Variants in DDX52 observed in about 807,000 individuals in gnomAD.
The protein encoded by DDX52 is probable ATP-dependent RNA helicase DDX52.
DDX52 carries 59 observed loss-of-function variants against 76.1 expected under a neutral mutation model. The observed-to-expected ratio is 0.78, with a 90% CI of 0.63 to 0.96. The LOEUF (loss-of-function observed/expected upper bound fraction) is 0.96. Among genes scored for constraint, DDX52 ranks in the 40% least tolerant of loss-of-function variants. The probability of loss-of-function intolerance (pLI) is 0.00; values close to 1 mark genes in which losing one functional copy is unlikely to be tolerated. For synonymous variants in DDX52, 231 were observed against 244.1 expected (o/e 0.95, Z 0.50); for missense variants, 707 against 703.9 (o/e 1.00, Z -0.05).
At chr17:37,628,473 T>G in intron 6 of DDX52, 88 bp downstream of exon 6, 1 of 1,142,228 alleles carries the variant, frequency 8.8e-7, no homozygotes, top group Non-Finnish European at 1.3e-6. Flanking sequence ...ATGACTATAC[T>G]TTAACAACAC....
chr17:37,620,783 G>A lies in DDX52; in HGVS notation c.1577+90C>T, dbSNP rs1450583629. ...CATTATCAGTAGAATTTGGGACATA[G>A]CCATTTTGTAATTATCTCTTAATTG... On this transcript the variant is annotated intron_variant, in intron 12 of 14. Coordinates refer to ENST00000617633, the MANE Select transcript of DDX52 (RefSeq NM_007010.5). 7 of 1,269,346 alleles carry A rather than the reference G, an allele frequency of 5.5e-6. No homozygotes were observed. The Middle Eastern group carries it at 7.6e-4, about 138-fold the overall frequency. The allele number at this position is 1,269,346 out of a possible 1,614,324, so 78.6% of individuals were successfully genotyped here. A position where few individuals can be genotyped will look rare whatever the true frequency, so the allele number is the denominator to read the frequency against.
intron 14 of DDX52, among the ~76,000 whole-genome samples, chr17:37,615,398 G>A (rs1389901294): frequency 6.6e-6 from 1 of 152,148 alleles, no homozygotes; most frequent in African/African-American, 2.4e-5. Context: ...TCAGAAGAAG[G>A]CAGGTGCAGT....
In DDX52 at chr17:37,619,798, T is replaced by A; in HGVS notation, c.1619A>T (p.Glu540Val). ...TAGTTTCTGAAAACCTTTTATGTATTCTGGTACAGGACACCCAGCCTGCTG... is the reference window on the plus strand; with the variant it reads ...TAGTTTCTGAAAACCTTTTATGTATACTGGTACAGGACACCCAGCCTGCTG... ...VIQQAGCPVPEYIKGFQKLLS... is the reference protein window; with the variant it reads ...VIQQAGCPVPVYIKGFQKLLS... The change falls in exon 13 of 15, where the codon GAA becomes GTA. Residue 540 changes from glutamate (E) to valine (V), a missense_variant. Physicochemically the swap from Glu to Val is moderately radical, Grantham distance 121. Coordinates refer to ENST00000617633, the MANE Select transcript of DDX52 (RefSeq NM_007010.5). 1.9e-6 allele frequency: 3 copies of A among 1,614,032 alleles called. No homozygotes were observed. Among genetic ancestry groups the A allele is most frequent in the Non-Finnish European group, 2.5e-6 (3 of 1,179,992 alleles).
intron 2 of DDX52, 68 bp from the exon 3 acceptor site, chr17:37,633,486 CA>C (rs540246549): frequency 6.3e-4 from 782 of 1,233,132 alleles, no homozygotes; most frequent in East Asian, 1.5e-3. Flanking sequence ...CCCGTCTCTT[CA>C]AAAAAAAATT....
chr17:37,641,102 C>T, intron 2 of DDX52, among the ~76,000 whole-genome samples: 1 of 152,098 alleles, frequency 6.6e-6, no homozygotes, highest in African/African-American at 2.4e-5. Flanking sequence ...CAAAAATATG[C>T]TTGACCAGCC....
chr17:37,626,224 A>G (rs2030366003), intron 7 of DDX52, 126 bp from the exon 8 acceptor site: 1 of 946,926 alleles, frequency 1.1e-6, no homozygotes, highest in Non-Finnish European at 1.5e-6. Flanking sequence ...CCACTTTATC[A>G]TACCAAAAAA....
intron 2 of DDX52, among the ~76,000 whole-genome samples, chr17:37,641,167 C>T (rs904247608): frequency 6.6e-6 from 1 of 150,884 alleles, no homozygotes; most frequent in African/African-American, 2.5e-5. Flanking sequence ...GAGGCGGAGG[C>T]GGAGGAGGGT....
intron 14 of DDX52, among the ~76,000 whole-genome samples, chr17:37,615,542 C>T (rs779980985): frequency 1.3e-5 from 2 of 151,866 alleles, no homozygotes; most frequent in Admixed American, 6.6e-5. Context: ...TAGCCAGGCA[C>T]GGTGGCATAA....
intron 2 of DDX52, among the ~76,000 whole-genome samples, chr17:37,636,322 G>C (rs1393541469): frequency 6.6e-6 from 1 of 152,110 alleles, no homozygotes; most frequent in African/African-American, 2.4e-5. Flanking sequence ...CAGTCCGTTT[G>C]TCGAAAAGAC....
At chr17:37,630,536 T>C (rs2030626866) in intron 4 of DDX52, among the ~76,000 whole-genome samples, 1 of 152,056 alleles carries the variant, frequency 6.6e-6, no homozygotes, top group Non-Finnish European at 1.5e-5. Context: ...GTTCAATCAC[T>C]AGGGAAGGTT....
In DDX52 at chr17:37,642,304, C is replaced by T. The variant is rs1185678170; in HGVS notation, c.92G>A (p.Gly31Glu). The part of the protein sequence containing the change: ...FSADAARFQI[G>E]KRKYDFDSSE... ...AGAATCAAAGTCATATTTCCTTTTTCCTATCTAAAACCCAAAAAATGTAAA... is the reference window on the plus strand; with the variant it reads ...AGAATCAAAGTCATATTTCCTTTTTTCTATCTAAAACCCAAAAAATGTAAA... The change falls in exon 2 of 15, where the codon GGA (glycine) becomes GAA (glutamate). Residue 31 changes from glycine to glutamate, a missense_variant. Coordinates refer to ENST00000617633, the MANE Select transcript of DDX52 (RefSeq NM_007010.5). The T allele has an allele frequency of 1.2e-6, 2 of 1,612,370 alleles. No individual in the cohort carries two copies. Among genetic ancestry groups the T allele is most frequent in the African/African-American group, 1.3e-5 (1 of 74,810 alleles).
rs1396704985 is a variant in DDX52 at position 37,611,086 on chromosome 17, A to C, written c.*3210T>G. On this transcript the variant is annotated 3_prime_UTR_variant, in exon 15 of 15. Coordinates refer to ENST00000617633, the MANE Select transcript of DDX52 (RefSeq NM_007010.5). ...TTGGTTTTTACATTTGCAGGATTCA[A>C]CTCAGGATGTCGGCCTTCCATGACA... The C allele has an allele frequency of 6.6e-6, 1 of 152,226 alleles. No individual in the cohort carries two copies. Among genetic ancestry groups the C allele is most frequent in the African/African-American group, 2.4e-5 (1 of 41,454 alleles). The allele number at this position is 152,226 out of a possible 1,614,324, so 9.4% of individuals were successfully genotyped here.
intron 14 of DDX52, among the ~76,000 whole-genome samples, chr17:37,615,366 T>C (rs1467419712): frequency 1.3e-5 from 2 of 152,112 alleles, no homozygotes; most frequent in Admixed American, 6.6e-5. Flanking sequence ...GAAGTCTTAG[T>C]ACAAATTAAG....
intron 2 of DDX52, among the ~76,000 whole-genome samples, chr17:37,639,234 G>A (rs1176487750): frequency 6.6e-6 from 1 of 152,078 alleles, no homozygotes; most frequent in African/African-American, 2.4e-5. Context: ...ACAGAAGAAC[G>A]TAATATGATA....
intron 9 of DDX52, among the ~76,000 whole-genome samples, chr17:37,623,007 ACTACCCAAGTAGC>A (rs2030181920): frequency 6.6e-6 from 1 of 152,208 alleles, no homozygotes; most frequent in Non-Finnish European, 1.5e-5. Context: ...TGGAGCTAGA[ACTACCCAAGTAGC>A]CTGGCTCCTG....
intron 2 of DDX52, among the ~76,000 whole-genome samples, chr17:37,641,674 T>G (rs1012753289): frequency 6.6e-6 from 1 of 151,932 alleles, no homozygotes; most frequent in South Asian, 2.1e-4. Context: ...GAGGCAGAGG[T>G]TGCAGTGAGC....
intron 9 of DDX52, chr17:37,623,965 C>T (rs1319101094): frequency 6.5e-6 from 1 of 154,730 alleles, no homozygotes; most frequent in African/African-American, 2.4e-5. Context: ...TACAACACCC[C>T]AGTTCTTCTA....
At chr17:37,626,564 A>C (rs768359637) in intron 7 of DDX52, among the ~76,000 whole-genome samples, 1 of 152,230 alleles carries the variant, frequency 6.6e-6, no homozygotes, top group African/African-American at 2.4e-5. Flanking sequence ...AAAAGGTAAA[A>C]GGAAGATAAA....
At position 37,613,001 on chromosome 17, in the gene DDX52, G is replaced by A. The variant is rs905735156; in HGVS notation, c.*1295C>T. On this transcript the variant is annotated 3_prime_UTR_variant, in exon 15 of 15. Coordinates refer to ENST00000617633, the MANE Select transcript of DDX52 (RefSeq NM_007010.5). ...GTAGATCTTTCTTTAAATAAATTCC[G>A]AAGATGAACAATTTTTGTCCCATCT... 2.0e-5 allele frequency: 3 copies of A among 152,084 alleles called. No homozygotes were observed. Among genetic ancestry groups the A allele is most frequent in the African/African-American group, 4.8e-5 (2 of 41,406 alleles). 9.4% of individuals were successfully genotyped at this position (152,084 alleles called of 1,614,324 possible). A position where few individuals can be genotyped will look rare whatever the true frequency, so the allele number is the denominator to read the frequency against.
Sources: gnomAD v4.1 joint callset for allele counts (sites outside exome capture counted in the v4.1 genomes callset) on GRCh38, gnomAD v4.1.1 for gene constraint, MANE v1.5 for transcripts, NCBI Gene and HGNC (gene_info 2026-07-23, HGNC 2026-07-21) for gene names.